RUNX1T1: variants seen among roughly 807,000 people sequenced by gnomAD.
The protein encoded by RUNX1T1 is RUNX1 partner transcriptional co-repressor 1, also known as protein CBFA2T1.
RUNX1T1 carries 4 observed loss-of-function variants against 62.8 expected under a neutral mutation model. That is an observed-to-expected ratio of 0.06 (90% confidence interval 0.03 to 0.15). The LOEUF (loss-of-function observed/expected upper bound fraction) is 0.15, where lower values mean the gene tolerates loss of function less well. Among genes scored for constraint, RUNX1T1 ranks in the 10% least tolerant of loss-of-function variants. The pLI, the probability that RUNX1T1 is intolerant of heterozygous loss-of-function variation, is 1.00. For synonymous variants in RUNX1T1, 291 were observed against 286.0 expected, an observed-to-expected ratio of 1.02 and a Z score of -0.18; for missense variants, 508 against 754.3, an observed-to-expected ratio of 0.67 and a Z score of 3.82.
At chr8:92,090,142 A>T (rs890577279) in intron 1 of RUNX1T1, among the ~76,000 whole-genome samples, 3 of 151,446 alleles carry the variant, frequency 2.0e-5, no homozygotes, top group Non-Finnish European at 4.4e-5. Context: ...CTGGAAAGGG[A>T]ACTTCAGTTT....
Position 91,973,355 on chromosome 8 carries a change from G to C in RUNX1T1, c.1268-2507C>G, listed in dbSNP as rs573086078. On this transcript the variant is annotated intron_variant, in intron 9 of 10. Coordinates refer to ENST00000396218, the Ensembl canonical transcript of RUNX1T1. Reference sequence around the variant, plus strand: ...GGTGAAAGTTATAGAGGAATTTTTTGTACTTTTTTTTTGCAACTTTCCTGC... The same window carrying C: ...GGTGAAAGTTATAGAGGAATTTTTTCTACTTTTTTTTTGCAACTTTCCTGC... 1.5e-4 allele frequency among the ~76,000 whole-genome samples: 23 copies of C among 151,452 alleles called. No individual in the cohort carries two copies. In the East Asian group the frequency reaches 4.3e-3, roughly 28 times the overall value.
chr8:92,100,167 A>G (rs1328228408), upstream of RUNX1T1, among the ~76,000 whole-genome samples: 1 of 152,228 alleles, frequency 6.6e-6, no homozygotes, highest in Non-Finnish European at 1.5e-5. Context: ...GACCTTTTAA[A>G]GATCATTTTA....
chr8:92,064,899 C>A (rs1832643018), upstream of RUNX1T1, among the ~76,000 whole-genome samples: 1 of 152,124 alleles, frequency 6.6e-6, no homozygotes, highest in Admixed American at 6.6e-5. Flanking sequence ...AAGCTGTTAT[C>A]TGACTACAGT....
At chr8:92,082,676 C>A (rs898901970) in intron 1 of RUNX1T1, among the ~76,000 whole-genome samples, 4 of 152,170 alleles carry the variant, frequency 2.6e-5, no homozygotes, top group Non-Finnish European at 5.9e-5. Flanking sequence ...TTGTGAGCCA[C>A]GGCATCTCAG....
upstream of RUNX1T1, among the ~76,000 whole-genome samples, chr8:92,067,113 A>C (rs931888536): frequency 6.6e-6 from 1 of 152,342 alleles, no homozygotes; most frequent in East Asian, 1.9e-4. Flanking sequence ...CATGAGGTTA[A>C]AGGTTTATTT....
chr8:91,963,278 C>T (rs1178440724), intron 10 of RUNX1T1, among the ~76,000 whole-genome samples: 1 of 152,024 alleles, frequency 6.6e-6, no homozygotes, highest in Non-Finnish European at 1.5e-5. Context: ...CCACCCACCA[C>T]TGGGACAAAA....
intron 1 of RUNX1T1, among the ~76,000 whole-genome samples, chr8:92,033,494 A>G (rs1055932913): frequency 6.6e-6 from 1 of 152,188 alleles, no homozygotes; most frequent in Non-Finnish European, 1.5e-5. Flanking sequence ...ACTTTCAAAT[A>G]TATTGTCAGG....
In RUNX1T1 at chr8:92,051,576, A is replaced by T. The variant is rs866627165; in HGVS notation, c.7+10970T>A. The stretch of plus-strand genomic sequence containing the variant: ...TGCTCTCTCTCTCTCACATACACAC[A>T]CTCTCTCTCTCACACACACACACAC... On this transcript the variant is annotated intron_variant, in intron 1 of 10. Transcript: ENST00000396218. Among the ~76,000 whole-genome samples, 1,027 of 147,306 alleles carry T rather than the reference A, an allele frequency of 7.0e-3. 11 individuals are homozygous for T. Among genetic ancestry groups the T allele is most frequent in the Middle Eastern group, 0.049 (14 of 288 alleles).
chr8:92,038,077 C>A (rs937195224), intron 1 of RUNX1T1, among the ~76,000 whole-genome samples: 2 of 121,146 alleles, frequency 1.7e-5, no homozygotes, highest in African/African-American at 3.9e-5. Context: ...TTTATGTATT[C>A]TGTGAGACAG....
At chr8:91,973,985 G>A (rs535867401) in intron 9 of RUNX1T1, among the ~76,000 whole-genome samples, 2 of 152,096 alleles carry the variant, frequency 1.3e-5, no homozygotes, top group South Asian at 4.1e-4. Flanking sequence ...GATAGACACT[G>A]TAATAAATAA....
chr8:92,022,838 C>T (rs1250589547), intron 1 of RUNX1T1, among the ~76,000 whole-genome samples: 1 of 152,178 alleles, frequency 6.6e-6, no homozygotes, highest in Non-Finnish European at 1.5e-5. Context: ...GATCTAAAAC[C>T]TTCAGGAGAG....
chr8:92,012,746 C>T (rs1415278978), intron 3 of RUNX1T1, among the ~76,000 whole-genome samples: 1 of 142,074 alleles, frequency 7.0e-6, no homozygotes, highest in Non-Finnish European at 1.5e-5. Flanking sequence ...ATAAAAATCA[C>T]TCCCTCAAAA....
chr8:91,972,597 T>C (rs73696985), intron 9 of RUNX1T1, among the ~76,000 whole-genome samples: 351 of 152,062 alleles, frequency 2.3e-3, no homozygotes, highest in African/African-American at 7.9e-3. Context: ...ACAGCCAGGG[T>C]CTAATTTAGT....
intron 1 of RUNX1T1, among the ~76,000 whole-genome samples, chr8:92,037,195 G>A (rs963535726): frequency 1.2e-4 from 19 of 152,110 alleles, no homozygotes; most frequent in Admixed American, 8.5e-4. Context: ...TTATAACCCC[G>A]TGTCCTGTGG....
chr8:92,017,808 C>T (rs1006507137), intron 1 of RUNX1T1: 2 of 177,532 alleles, frequency 1.1e-5, no homozygotes, highest in Non-Finnish European at 2.2e-5. Context: ...TAATGATTTT[C>T]TCTTACACCT....
intron 1 of RUNX1T1, among the ~76,000 whole-genome samples, chr8:92,030,447 A>T (rs1217499216): frequency 6.6e-6 from 1 of 152,200 alleles, no homozygotes; most frequent in East Asian, 1.9e-4. Flanking sequence ...TATAGATTTG[A>T]AGGTACAGGT....
chr8:92,028,761 G>A (rs1398868886), intron 1 of RUNX1T1, among the ~76,000 whole-genome samples: 1 of 152,102 alleles, frequency 6.6e-6, no homozygotes, highest in African/African-American at 2.4e-5. Context: ...ACTCCTCCTT[G>A]TCCAAAGAGA....
intron 1 of RUNX1T1, among the ~76,000 whole-genome samples, chr8:92,088,592 A>G (rs1836498960): frequency 6.6e-6 from 1 of 152,172 alleles, no homozygotes; most frequent in African/African-American, 2.4e-5. Context: ...AGGTACCATT[A>G]TAGATCTGCT....
chr8:91,981,213 T>A (rs1028881006), intron 8 of RUNX1T1, among the ~76,000 whole-genome samples: 2 of 152,090 alleles, frequency 1.3e-5, no homozygotes, highest in Non-Finnish European at 2.9e-5. Flanking sequence ...GAAATTCTAC[T>A]GACTGAGTTT....
Sources: allele counts gnomAD v4.1 joint callset (sites outside exome capture counted in the v4.1 genomes callset), GRCh38; gene constraint gnomAD v4.1.1; transcripts MANE v1.5; gene names NCBI Gene and HGNC (gene_info 2026-07-23, HGNC 2026-07-21).